TMTC1: variants seen among roughly 807,000 people sequenced by gnomAD.
TMTC1 encodes transmembrane O-mannosyltransferase targeting cadherins 1.
A neutral mutation model predicts 104.8 loss-of-function variants in TMTC1; 73 were observed. The observed-to-expected ratio is 0.70, with a 90% CI of 0.58 to 0.85. TMTC1 has a LOEUF of 0.85. Ranked by LOEUF, TMTC1 falls within the 40% of genes least tolerant of loss-of-function variation. The probability of loss-of-function intolerance (pLI) is 0.00; values close to 1 mark genes in which losing one functional copy is unlikely to be tolerated. For synonymous variants in TMTC1, 434 were observed against 428.7 expected (o/e 1.01, Z -0.15); for missense variants, 1,035 against 1,096.1 (o/e 0.94, Z 0.79).
intron 10 of TMTC1, among the ~76,000 whole-genome samples, chr12:29,548,814 T>TAACA (rs1565662611): frequency 2.9e-3 from 1 of 346 alleles, no homozygotes; most frequent in Non-Finnish European, 5.7e-3. Context: ...AGTATAAAGG[T>TAACA]TATATATTGC....
chr12:29,578,512 A>G (rs1945886213), intron 8 of TMTC1, among the ~76,000 whole-genome samples: 2 of 152,162 alleles, frequency 1.3e-5, no homozygotes, highest in African/African-American at 4.8e-5. Flanking sequence ...GAGAAATACA[A>G]TATTCATAAA....
At chr12:29,747,797 T>C (rs751529183) in intron 5 of TMTC1, among the ~76,000 whole-genome samples, 1 of 152,212 alleles carries the variant, frequency 6.6e-6, no homozygotes, top group Non-Finnish European at 1.5e-5. Flanking sequence ...CTTATACATG[T>C]ACAAATGCTT....
At chr12:29,536,340 G>C (rs368249299) in intron 10 of TMTC1, 23 bp from the exon 11 acceptor site, 171 of 1,402,402 alleles carry the variant, frequency 1.2e-4, no homozygotes, top group African/African-American at 8.6e-4. Flanking sequence ...ATGAAGGGGT[G>C]GGGGAGAACA....
chr12:29,563,123 A>G (rs1219358736), intron 9 of TMTC1, among the ~76,000 whole-genome samples: 1 of 152,230 alleles, frequency 6.6e-6, no homozygotes, highest in Non-Finnish European at 1.5e-5. Flanking sequence ...TTAAGAATGT[A>G]GGAATGTTCT....
intron 10 of TMTC1, among the ~76,000 whole-genome samples, chr12:29,548,065 G>A (rs1944987131): frequency 1.3e-5 from 2 of 152,190 alleles, no homozygotes; most frequent in Non-Finnish European, 2.9e-5. Context: ...TTGATCAAAA[G>A]CAAAGAGTGA....
intron 5 of TMTC1, among the ~76,000 whole-genome samples, chr12:29,635,867 G>A (rs1223179774): frequency 2.0e-5 from 3 of 152,024 alleles, no homozygotes; most frequent in Admixed American, 1.3e-4. Flanking sequence ...AGGAGGGAGA[G>A]GGCATTTGCA....
At chr12:29,733,655 C>T (rs1454016142) in intron 5 of TMTC1, among the ~76,000 whole-genome samples, 1 of 152,164 alleles carries the variant, frequency 6.6e-6, no homozygotes, top group East Asian at 1.9e-4. Flanking sequence ...ACACATTCTG[C>T]CTTGTCACTC....
chr12:29,714,248 A>C (rs1177322902), intron 5 of TMTC1, among the ~76,000 whole-genome samples: 1 of 152,262 alleles, frequency 6.6e-6, no homozygotes, highest in East Asian at 1.9e-4. Flanking sequence ...AATAGTGGCC[A>C]GCGCAGCTTG....
intron 5 of TMTC1, among the ~76,000 whole-genome samples, chr12:29,685,258 T>G (rs1423456096): frequency 6.6e-6 from 1 of 152,068 alleles, no homozygotes; most frequent in East Asian, 1.9e-4. Flanking sequence ...CAAAACAGTC[T>G]ACACGTAAGA....
At chr12:29,657,464 T>G (rs1366567670) in intron 5 of TMTC1, among the ~76,000 whole-genome samples, 1 of 152,144 alleles carries the variant, frequency 6.6e-6, no homozygotes, top group Non-Finnish European at 1.5e-5. Flanking sequence ...ACAAGAATTT[T>G]TAAAACATAA....
chr12:29,564,028 C>A (rs775630024), intron 9 of TMTC1, among the ~76,000 whole-genome samples: 53 of 151,690 alleles, frequency 3.5e-4, no homozygotes, highest in Middle Eastern at 3.4e-3. Flanking sequence ...ACTGGGAGTG[C>A]GAGGGAGGGG....
intron 17 of TMTC1, among the ~76,000 whole-genome samples, chr12:29,510,984 T>C (rs952712741): frequency 6.6e-6 from 1 of 152,130 alleles, no homozygotes; most frequent in Non-Finnish European, 1.5e-5. Flanking sequence ...ACAGGCGTGC[T>C]CAAACCTTAG....
At chr12:29,730,179 C>T (rs573870396) in intron 5 of TMTC1, among the ~76,000 whole-genome samples, 2 of 152,284 alleles carry the variant, frequency 1.3e-5, no homozygotes, top group East Asian at 3.9e-4. Context: ...AATATTTTAC[C>T]TGACAAAGTG....
chr12:29,774,079 T>G (rs889789277), intron 1 of TMTC1, among the ~76,000 whole-genome samples: 1 of 152,194 alleles, frequency 6.6e-6, no homozygotes, highest in Non-Finnish European at 1.5e-5. Flanking sequence ...CCAGCATTCC[T>G]ATCTCAATAA....
Position 29,506,146 on chromosome 12 carries a change from T to A in TMTC1, c.*700A>T, listed in dbSNP as rs1242683935. ...ACTTGTAATAAAATTAAAATAGTTT[T>A]AAACACTTCCATAAAGAATTAGGGG... On this transcript the variant is annotated 3_prime_UTR_variant, in exon 18 of 18. Transcript: ENST00000539277. 6.6e-6 allele frequency: 1 copy of A among 152,138 alleles called. No homozygotes were observed. Among genetic ancestry groups the A allele is most frequent in the Non-Finnish European group, 1.5e-5 (1 of 68,010 alleles). The allele number at this position is 152,138 out of a possible 1,614,324, so 9.4% of individuals were successfully genotyped here.
intron 5 of TMTC1, among the ~76,000 whole-genome samples, chr12:29,651,907 A>C (rs1939540102): frequency 6.6e-6 from 1 of 151,692 alleles, no homozygotes; most frequent in African/African-American, 2.4e-5. Flanking sequence ...TTGCCCAAAA[A>C]AAAAAAAAAT....
chr12:29,587,340 T>G (rs956781228), intron 7 of TMTC1, among the ~76,000 whole-genome samples: 1 of 152,006 alleles, frequency 6.6e-6, no homozygotes, highest in Non-Finnish European at 1.5e-5. Context: ...TTCTTTATTT[T>G]TTTATTTTTT....
At chr12:29,602,407 G>A in intron 7 of TMTC1, among the ~76,000 whole-genome samples, 1 of 152,198 alleles carries the variant, frequency 6.6e-6, no homozygotes, top group Non-Finnish European at 1.5e-5. Context: ...GCCTCCCAAA[G>A]TGCTGGGGCA....
At chr12:29,610,567 C>T (rs779577130) in intron 6 of TMTC1, among the ~76,000 whole-genome samples, 5 of 152,100 alleles carry the variant, frequency 3.3e-5, no homozygotes, top group Non-Finnish European at 5.9e-5. Flanking sequence ...GGGAATCCTG[C>T]GGCAGTCTTA....
Sources: gnomAD v4.1 joint callset for allele counts (sites outside exome capture counted in the v4.1 genomes callset) on GRCh38, gnomAD v4.1.1 for gene constraint, MANE v1.5 for transcripts, NCBI Gene and HGNC (gene_info 2026-07-23, HGNC 2026-07-21) for gene names.